The following RBFOX1 variants were observed in gnomAD, a reference collection of about 807,000 sequenced individuals.
RBFOX1 encodes RNA binding protein fox-1 homolog 1.
In RBFOX1, 8 loss-of-function variants were observed where a neutral mutation model predicts 57.7. That is an observed-to-expected ratio of 0.14 (90% CI 0.08 to 0.25). RBFOX1 has a LOEUF of 0.25. RBFOX1 is among the 10% of genes least tolerant of loss of function. The probability of loss-of-function intolerance (pLI) is 1.00; values close to 1 mark genes in which losing one functional copy is unlikely to be tolerated. For synonymous variants in RBFOX1, 326 were observed against 222.4 expected, an observed-to-expected ratio of 1.47 and a Z score of -4.15; for missense variants, 611 against 548.5, an observed-to-expected ratio of 1.11 and a Z score of -1.14.
At chr16:6,860,625 A>G (rs1025404708) in intron 3 of RBFOX1, among the ~76,000 whole-genome samples, 2 of 152,220 alleles carry the variant, frequency 1.3e-5, no homozygotes, top group Non-Finnish European at 2.9e-5. Context: ...TTAGGAAGAC[A>G]ACAATCAACC....
intron 2 of RBFOX1, among the ~76,000 whole-genome samples, chr16:6,575,282 G>C (rs568767295): frequency 6.6e-6 from 1 of 152,128 alleles, no homozygotes; most frequent in African/African-American, 2.4e-5. Flanking sequence ...GCTTGATTAA[G>C]CCTATGCATG....
chr16:5,821,410 C>T (rs1445347040), intron 3 of RBFOX1, among the ~76,000 whole-genome samples: 1 of 145,638 alleles, frequency 6.9e-6, no homozygotes, highest in Non-Finnish European at 1.5e-5. Context: ...ATGAGCAGTT[C>T]TTCTGCCTCA....
chr16:5,573,644 C>T (rs543072589), intron 2 of RBFOX1, among the ~76,000 whole-genome samples: 1 of 152,156 alleles, frequency 6.6e-6, no homozygotes, highest in Non-Finnish European at 1.5e-5. Flanking sequence ...CTTTCCCCGT[C>T]CAGGCATCCC....
rs190628532 is a variant in RBFOX1 at position 5,359,893 on chromosome 16, C to G, written c.220-107323C>G. On this transcript the variant is annotated intron_variant, in intron 1 of 2. Transcript: ENST00000585867. ...ATGGGGATGCTGAAGTGCGTGATCT[C>G]TATGGGACTTGCCAATTCTCACATT... 9.2e-5 allele frequency among the ~76,000 whole-genome samples: 14 copies of G among 152,140 alleles called. No individual in the cohort carries two copies. In the East Asian group the frequency reaches 2.7e-3, roughly 30 times the overall value.
At chr16:5,496,979 AC>A (rs2043022073) in intron 2 of RBFOX1, among the ~76,000 whole-genome samples, 1 of 152,236 alleles carries the variant, frequency 6.6e-6, no homozygotes. Context: ...ATCTGGCATA[AC>A]TTTTAGTGTT....
At chr16:6,227,516 A>G (rs2097426984) in intron 1 of RBFOX1, among the ~76,000 whole-genome samples, 1 of 152,152 alleles carries the variant, frequency 6.6e-6, no homozygotes, top group African/African-American at 2.4e-5. Flanking sequence ...CCAGTGATAC[A>G]GAAGTGGAAG....
At chr16:7,144,580 G>A (rs2074552736) in intron 4 of RBFOX1, among the ~76,000 whole-genome samples, 1 of 151,700 alleles carries the variant, frequency 6.6e-6, no homozygotes, top group Admixed American at 6.6e-5. Context: ...ATGAGCTACT[G>A]CGCCTGAATC....
chr16:7,494,107 G>A (rs922742477), intron 4 of RBFOX1, among the ~76,000 whole-genome samples: 3 of 152,146 alleles, frequency 2.0e-5, no homozygotes, highest in African/African-American at 2.4e-5. Flanking sequence ...TGTCTAGTGG[G>A]GGAGCTATAA....
intron 1 of RBFOX1, among the ~76,000 whole-genome samples, chr16:6,127,715 C>T (rs529259267): frequency 6.6e-6 from 1 of 152,212 alleles, no homozygotes; most frequent in East Asian, 1.9e-4. Flanking sequence ...AAAGGTCACA[C>T]CATTAAATAA....
chr16:6,140,628 C>G (rs1028391223), intron 1 of RBFOX1, among the ~76,000 whole-genome samples: 4 of 152,150 alleles, frequency 2.6e-5, no homozygotes, highest in African/African-American at 7.2e-5. Context: ...TGCTGCCTCC[C>G]TGTCTTGATC....
intron 2 of RBFOX1, among the ~76,000 whole-genome samples, chr16:6,629,137 T>C (rs1254681055): frequency 6.6e-6 from 1 of 152,226 alleles, no homozygotes; most frequent in Admixed American, 6.5e-5. Context: ...GTTACATATA[T>C]GTGTGTATAA....
At chr16:7,096,819 C>T (rs1283009550) in intron 4 of RBFOX1, among the ~76,000 whole-genome samples, 2 of 150,104 alleles carry the variant, frequency 1.3e-5, no homozygotes, top group South Asian at 4.2e-4. Context: ...GTAATCCCAG[C>T]TACGTAGGGG....
chr16:7,636,639 G>C (rs146823668), intron 11 of RBFOX1, among the ~76,000 whole-genome samples: 1 of 152,180 alleles, frequency 6.6e-6, no homozygotes, highest in Non-Finnish European at 1.5e-5. Flanking sequence ...GTTTTGCACT[G>C]TATCAGTCAG....
intron 3 of RBFOX1, among the ~76,000 whole-genome samples, chr16:6,671,865 T>C (rs950643053): frequency 6.6e-6 from 1 of 152,218 alleles, no homozygotes; most frequent in Non-Finnish European, 1.5e-5. Flanking sequence ...GTTCATGAAA[T>C]TTTTGTGTGC....
At chr16:5,804,776 A>C (rs927487559) in intron 3 of RBFOX1, among the ~76,000 whole-genome samples, 2 of 152,210 alleles carry the variant, frequency 1.3e-5, no homozygotes, top group Admixed American at 1.3e-4. Context: ...TACCACGCTC[A>C]CCTCCCAGAC....
At chr16:5,731,789 A>G (rs1284573462) in intron 3 of RBFOX1, among the ~76,000 whole-genome samples, 2 of 152,212 alleles carry the variant, frequency 1.3e-5, no homozygotes, top group East Asian at 3.9e-4. Flanking sequence ...GATGACAGGA[A>G]GTATGAAATC....
intron 4 of RBFOX1, among the ~76,000 whole-genome samples, chr16:7,052,726 A>T (rs200934178): frequency 9.9e-5 from 15 of 152,170 alleles, no homozygotes; most frequent in African/African-American, 3.6e-4. Flanking sequence ...GCTTGGTGAC[A>T]TTGTTCTGCT....
chr16:7,619,667 T>C (rs1376290195), intron 10 of RBFOX1, among the ~76,000 whole-genome samples: 1 of 152,170 alleles, frequency 6.6e-6, no homozygotes, highest in Non-Finnish European at 1.5e-5. Context: ...TCTTAGAGGC[T>C]CTTATTCCCA....
chr16:6,209,157 T>C (rs1441811071), intron 1 of RBFOX1, among the ~76,000 whole-genome samples: 8 of 152,146 alleles, frequency 5.3e-5, no homozygotes. Context: ...AAAGGTGAAA[T>C]CTGAGCCCTT....
Sources: gnomAD v4.1 joint callset for allele counts (sites outside exome capture counted in the v4.1 genomes callset) on GRCh38, gnomAD v4.1.1 for gene constraint, MANE v1.5 for transcripts, NCBI Gene and HGNC (gene_info 2026-07-23, HGNC 2026-07-21) for gene names.